Variants in IYD observed in about 807,000 individuals in gnomAD.
IYD encodes the protein iodotyrosine deiodinase 1.
IYD carries 25 observed loss-of-function variants against 28.4 expected under a neutral mutation model. The observed-to-expected ratio is 0.88, with a 90% CI of 0.64 to 1.23. The LOEUF (loss-of-function observed/expected upper bound fraction) is 1.23, where lower values mean the gene tolerates loss of function less well. IYD is among the 50% of genes most tolerant of loss of function. IYD has a pLI of 0.00. For missense variants in IYD, 352 were observed against 357.9 expected (o/e 0.98, Z 0.13); for synonymous variants, 140 against 130.8 (o/e 1.07, Z -0.48).
chr6:150,382,419 G>A (rs909443993), intron 1 of IYD, among the ~76,000 whole-genome samples: 5 of 152,122 alleles, frequency 3.3e-5, no homozygotes, highest in South Asian at 4.1e-4. Flanking sequence ...GAGAACCTAA[G>A]TAGAGACATG....
intron 1 of IYD, among the ~76,000 whole-genome samples, chr6:150,388,642 T>G (rs1444720404): frequency 1.9e-3 from 107 of 55,320 alleles, no homozygotes; most frequent in African/African-American, 4.0e-3. Flanking sequence ...TTTCTTTCTT[T>G]CTTTCTTTCT....
In IYD at chr6:150,369,280, G is replaced by C. The variant is rs529891552; in HGVS notation, c.178+71G>C. ...TGATGATGAGTGTGAGTCAATGGCA[G>C]GGCTTATGGAGAGGAAGAAACACAC... On this transcript the variant is annotated intron_variant, in intron 1 of 4. Transcript: ENST00000344419. The C allele has an allele frequency of 2.6e-5, 38 of 1,465,428 alleles. No homozygotes were observed. The East Asian group carries it at 8.0e-4, about 31-fold the overall frequency. The allele number at this position is 1,465,428 out of a possible 1,614,324, so 90.8% of individuals were successfully genotyped here.
chr6:150,396,850 G>C (rs1778339936), intron 4 of IYD: 1 of 159,720 alleles, frequency 6.3e-6, no homozygotes, highest in African/African-American at 2.4e-5. Flanking sequence ...CTCCAGCCTG[G>C]GCGACAGAGC....
chr6:150,370,171 GTGTA>G (rs1418072207), intron 1 of IYD, among the ~76,000 whole-genome samples: 2 of 152,040 alleles, frequency 1.3e-5, no homozygotes, highest in East Asian at 1.9e-4. Flanking sequence ...GTGTGTGTGA[GTGTA>G]TGTGTGTGAG....
Position 150,398,041 on chromosome 6 carries a change from TC to T in IYD, c.688-12del. 1 of 1,613,778 alleles carries T rather than the reference TC, an allele frequency of 6.2e-7. No homozygotes were observed. Among genetic ancestry groups the T allele is most frequent in the Non-Finnish European group, 8.5e-7 (1 of 1,179,664 alleles). On this transcript the variant is annotated splice_polypyrimidine_tract_variant and intron_variant, in intron 4 of 4. Transcript: ENST00000344419. ...CTGCTGACTTTAAAATGCTTTCTTG[TC>T]CTCTTATTTTAGAATGCAGGTCTGG...
At chr6:150,373,699 C>G (rs1315065476) in intron 1 of IYD, among the ~76,000 whole-genome samples, 1 of 152,144 alleles carries the variant, frequency 6.6e-6, no homozygotes, top group Non-Finnish European at 1.5e-5. Context: ...TCCCTTCCAC[C>G]CCACAAAGAG....
In IYD at chr6:150,400,464, G is replaced by A. The variant is rs1484147066; in HGVS notation, c.*2227G>A. 2 of 152,266 alleles carry A rather than the reference G, an allele frequency of 1.3e-5. No individual in the cohort carries two copies. The highest frequency in any genetic ancestry group is 3.9e-4 in the East Asian group (2 of 5,180). The allele number at this position is 152,266 out of a possible 1,614,324, so 9.4% of individuals were successfully genotyped here. A position where few individuals can be genotyped will look rare whatever the true frequency, so the allele number is the denominator to read the frequency against. ...TGTTCCTGCTGGGATGAATTATGAA[G>A]TATTCCTTCCAAAGATGTCAATGGA... On this transcript the variant is annotated 3_prime_UTR_variant, in exon 5 of 5. Transcript: ENST00000344419.
At chr6:150,388,967 G>T (rs1398383411) in intron 1 of IYD, among the ~76,000 whole-genome samples, 1 of 152,066 alleles carries the variant, frequency 6.6e-6, no homozygotes, top group African/African-American at 2.4e-5. Flanking sequence ...CTCCCAAAAT[G>T]CTGGGATTAT....
At position 150,403,059 on chromosome 6, in the gene IYD, C is replaced by G. The variant is rs575308352; in HGVS notation, c.*4822C>G. Reference sequence around the variant, plus strand: ...CCTCCCACCTTAGCTTCCCAGGTAGCTGGGATACAGGTGCACGCCACCACA... The same window carrying G: ...CCTCCCACCTTAGCTTCCCAGGTAGGTGGGATACAGGTGCACGCCACCACA... On this transcript the variant is annotated 3_prime_UTR_variant, in exon 5 of 5. Coordinates refer to ENST00000344419, the MANE Select transcript of IYD (RefSeq NM_203395.3). 2 of 152,300 alleles carry G rather than the reference C, an allele frequency of 1.3e-5. No individual in the cohort carries two copies. Among genetic ancestry groups the G allele is most frequent in the South Asian group, 2.1e-4 (1 of 4,830 alleles). 9.4% of individuals were successfully genotyped at this position (152,300 alleles called of 1,614,324 possible).
chr6:150,376,708 C>T (rs1385599427), intron 1 of IYD, among the ~76,000 whole-genome samples: 1 of 152,088 alleles, frequency 6.6e-6, no homozygotes, highest in East Asian at 1.9e-4. Flanking sequence ...TCACTGAAAC[C>T]TCAAACTCCT....
At chr6:150,394,667 C>T (rs2076287) in intron 4 of IYD, among the ~76,000 whole-genome samples, 25,973 of 152,140 alleles carry the variant, frequency 0.17, 4,616 homozygotes, top group African/African-American at 0.44. Context: ...GAGAAGTTTG[C>T]GTTGCATGGC....
intron 1 of IYD, among the ~76,000 whole-genome samples, chr6:150,380,344 A>G (rs1486920438): frequency 6.6e-6 from 1 of 152,056 alleles, no homozygotes; most frequent in Non-Finnish European, 1.5e-5. Context: ...CACAACAACA[A>G]CCACTGCAAA....
At chr6:150,371,449 C>A (rs528215786) in intron 1 of IYD, among the ~76,000 whole-genome samples, 3 of 152,188 alleles carry the variant, frequency 2.0e-5, no homozygotes, top group Non-Finnish European at 2.9e-5. Flanking sequence ...TCTGAGAGAC[C>A]AGAAAGAGTG....
chr6:150,405,283 T>G lies in IYD; in HGVS notation c.*7046T>G, dbSNP rs1778613300. Reference sequence around the variant, plus strand: ...GAAACGCCAAACTCTTACTCCCAGCTGCTTTCTCTGTCCCTCCACTTAGAT... The same window carrying G: ...GAAACGCCAAACTCTTACTCCCAGCGGCTTTCTCTGTCCCTCCACTTAGAT... On this transcript the variant is annotated 3_prime_UTR_variant, in exon 5 of 5. Coordinates refer to ENST00000344419, the MANE Select transcript of IYD (RefSeq NM_203395.3). 1 of 152,256 alleles carries G rather than the reference T, an allele frequency of 6.6e-6. No individual in the cohort carries two copies. Among genetic ancestry groups the G allele is most frequent in the Non-Finnish European group, 1.5e-5 (1 of 68,090 alleles). 9.4% of individuals were successfully genotyped at this position (152,256 alleles called of 1,614,324 possible). A position where few individuals can be genotyped will look rare whatever the true frequency, so the allele number is the denominator to read the frequency against.
chr6:150,394,332 G>C, intron 4 of IYD, 77 bp downstream of exon 4: 1 of 1,542,518 alleles, frequency 6.5e-7, no homozygotes, highest in Non-Finnish European at 8.9e-7. Context: ...GGGACATTTG[G>C]AAATTTTTTT....
chr6:150,394,256 G>A lies in IYD; in HGVS notation c.687+1G>A. The A allele has an allele frequency of 6.2e-7, 1 of 1,614,154 alleles. No individual in the cohort carries two copies. On this transcript the variant is annotated splice_donor_variant, in intron 4 of 4. Coordinates refer to ENST00000344419, the MANE Select transcript of IYD (RefSeq NM_203395.3). LOFTEE classifies it high-confidence loss of function. ...TGGCATCCTGCTAGCTGCCCTGCAGGTATGTTGAGACATCAAGGGTTACAG... is the reference window on the plus strand; with the variant it reads ...TGGCATCCTGCTAGCTGCCCTGCAGATATGTTGAGACATCAAGGGTTACAG...
rs376791100 is a variant in IYD, at chr6:150,400,337, C to T, written c.*2100C>T. 13 of 152,302 alleles carry T rather than the reference C, an allele frequency of 8.5e-5. No homozygotes were observed. In the East Asian group the frequency reaches 9.6e-4, roughly 11 times the overall value. 9.4% of individuals were successfully genotyped at this position (152,302 alleles called of 1,614,324 possible). On this transcript the variant is annotated 3_prime_UTR_variant, in exon 5 of 5. Transcript: ENST00000344419. ...GTTCTCACTCTTTGCAGGCACTCTT[C>T]AAATTTTTATTTTAAAAATTATAAT...
At chr6:150,378,195 A>T (rs546048142) in intron 1 of IYD, among the ~76,000 whole-genome samples, 1 of 151,622 alleles carries the variant, frequency 6.6e-6, no homozygotes, top group East Asian at 1.9e-4. Context: ...TATTATTATT[A>T]TACTTTAAGT....
At chr6:150,388,411 C>A (rs1386413004) in intron 1 of IYD, among the ~76,000 whole-genome samples, 2 of 152,126 alleles carry the variant, frequency 1.3e-5, no homozygotes, top group African/African-American at 4.8e-5. Flanking sequence ...TGTGTGAGTT[C>A]ATATTTTCTC....
Sources: allele counts gnomAD v4.1 joint callset (sites outside exome capture counted in the v4.1 genomes callset), GRCh38; gene constraint gnomAD v4.1.1; transcripts MANE v1.5; gene names NCBI Gene and HGNC (gene_info 2026-07-23, HGNC 2026-07-21).